OLFM2: variants seen among roughly 807,000 people sequenced by gnomAD.
OLFM2 encodes the protein olfactomedin 2.
A neutral mutation model predicts 43.9 loss-of-function variants in OLFM2; 20 were observed. That is an observed-to-expected ratio of 0.46 (90% CI 0.32 to 0.66). OLFM2 has a LOEUF of 0.66. Ranked by LOEUF, OLFM2 falls within the 30% of genes least tolerant of loss-of-function variation. OLFM2 has a pLI of 0.04. For missense variants in OLFM2, 416 were observed against 643.6 expected (o/e 0.65, Z 3.83); for synonymous variants, 268 against 278.6 (o/e 0.96, Z 0.38).
At chr19:9,925,726 G>A (rs763578375) in intron 1 of OLFM2, among the ~76,000 whole-genome samples, 38 of 151,810 alleles carry the variant, frequency 2.5e-4, no homozygotes, top group Admixed American at 9.8e-4. Context: ...GAGCCACCGC[G>A]CCTGGCCCAG....
At chr19:9,889,915 T>C (rs1156342758) in intron 1 of OLFM2, among the ~76,000 whole-genome samples, 1 of 133,000 alleles carries the variant, frequency 7.5e-6, no homozygotes, top group African/African-American at 2.6e-5. Context: ...GGTTCATAAA[T>C]TCCAATTTTT....
At chr19:9,880,600 A>C (rs1030978747) in intron 1 of OLFM2, among the ~76,000 whole-genome samples, 2 of 152,110 alleles carry the variant, frequency 1.3e-5, no homozygotes, top group African/African-American at 2.4e-5. Flanking sequence ...CCATCTCTAA[A>C]AATAAATAAA....
At chr19:9,875,691 G>T (rs1024849219) in intron 1 of OLFM2, among the ~76,000 whole-genome samples, 6 of 151,150 alleles carry the variant, frequency 4.0e-5, no homozygotes, top group African/African-American at 1.5e-4. Flanking sequence ...TTTTTTGTTT[G>T]TTTTTTCTCA....
intron 1 of OLFM2, among the ~76,000 whole-genome samples, 192 bp from the exon 2 acceptor site, chr19:9,860,986 G>A (rs578086148): frequency 4.6e-5 from 7 of 152,250 alleles, no homozygotes; most frequent in East Asian, 1.9e-4. Context: ...ACTGAGGTGC[G>A]GAGGGCTTAA....
chr19:9,909,254 AG>A (rs2046808788), intron 1 of OLFM2, among the ~76,000 whole-genome samples: 1 of 152,002 alleles, frequency 6.6e-6, no homozygotes, highest in African/African-American at 2.4e-5. Context: ...CCAGCCCCCC[AG>A]GCAGAGGCGA....
At chr19:9,936,202 G>C in intron 1 of OLFM2, 102 bp downstream of exon 1, 3 of 1,299,698 alleles carry the variant, frequency 2.3e-6, no homozygotes, top group South Asian at 1.3e-5. Context: ...CTGCAGCTGG[G>C]GGGGCTTGTG....
chr19:9,920,332 GC>G, intron 1 of OLFM2, among the ~76,000 whole-genome samples: 1 of 152,194 alleles, frequency 6.6e-6, no homozygotes, highest in South Asian at 2.1e-4. Context: ...TCTTTGAGGT[GC>G]CCTGCACTGT....
intron 1 of OLFM2, among the ~76,000 whole-genome samples, chr19:9,936,078 AC>A (rs559182033): frequency 1.0e-3 from 140 of 138,822 alleles, no homozygotes; most frequent in African/African-American, 3.7e-3. Flanking sequence ...CAAAGACGCC[AC>A]CCCCCAAACC....
intron 1 of OLFM2, 135 bp downstream of exon 1, chr19:9,936,169 T>G: frequency 2.6e-6 from 2 of 782,694 alleles, no homozygotes; most frequent in Non-Finnish European, 3.6e-6. Flanking sequence ...CCTCCCCCGC[T>G]GCGACCCCCG....
At chr19:9,935,338 G>A (rs1192463176) in intron 1 of OLFM2, among the ~76,000 whole-genome samples, 3 of 152,148 alleles carry the variant, frequency 2.0e-5, no homozygotes, top group Non-Finnish European at 4.4e-5. Flanking sequence ...CCAAGATGGA[G>A]GAGGAGAGGG....
At chr19:9,894,425 T>G (rs2046665441) in intron 1 of OLFM2, among the ~76,000 whole-genome samples, 1 of 117,846 alleles carries the variant, frequency 8.5e-6, no homozygotes, top group African/African-American at 3.2e-5. Flanking sequence ...ATAAATAAAA[T>G]AAAGCCAGGT....
chr19:9,882,264 C>T (rs1259408064), intron 1 of OLFM2, among the ~76,000 whole-genome samples: 9 of 147,262 alleles, frequency 6.1e-5, no homozygotes, highest in Admixed American at 6.8e-5. Context: ...AAAGGCCAGG[C>T]GCGGTGGCTC....
intron 1 of OLFM2, among the ~76,000 whole-genome samples, chr19:9,888,380 C>T (rs1373753947): frequency 2.6e-5 from 4 of 151,872 alleles, no homozygotes; most frequent in Admixed American, 1.3e-4. Flanking sequence ...AAAAATTAGC[C>T]GGGTGTGGTG....
At chr19:9,931,073 A>C (rs985350288) in intron 1 of OLFM2, among the ~76,000 whole-genome samples, 6 of 152,046 alleles carry the variant, frequency 3.9e-5, no homozygotes, top group African/African-American at 1.4e-4. Flanking sequence ...CCATAATCTT[A>C]AATCCAGCCC....
chr19:9,902,159 G>T lies in OLFM2; in HGVS notation c.63+34145C>A, dbSNP rs141993696. ...CTCTCCTGCCTCAGCCTCCCGAGTA[G>T]CTGGGACTACAGGCACCCGCCACCA... On this transcript the variant is annotated intron_variant, in intron 1 of 5. Transcript: ENST00000264833. 7.5e-3 allele frequency among the ~76,000 whole-genome samples: 1,132 copies of T among 151,434 alleles called. 17 individuals carry two copies. Among genetic ancestry groups the T allele is most frequent in the African/African-American group, 0.026 (1,073 of 41,228 alleles).
rs75792731 is a variant in OLFM2 at position 9,861,387 on chromosome 19, G to A, written c.64-593C>T. ...AGACCCTGTCTCACAAAAAAAAAAG[G>A]ATCTCACCTCAGGTGATCCACCCGT... On this transcript the variant is annotated intron_variant, in intron 1 of 5. Coordinates refer to ENST00000264833, the MANE Select transcript of OLFM2 (RefSeq NM_058164.4). 3.6e-4 allele frequency among the ~76,000 whole-genome samples: 55 copies of A among 151,852 alleles called. 1 individual carries two copies. The highest frequency in any genetic ancestry group is 1.5e-3 in the South Asian group (7 of 4,802).
chr19:9,870,759 G>C (rs750078542), intron 1 of OLFM2, among the ~76,000 whole-genome samples: 3 of 152,054 alleles, frequency 2.0e-5, no homozygotes, highest in African/African-American at 7.2e-5. Flanking sequence ...CCTGCCACGC[G>C]TTACCCTCCT....
chr19:9,903,033 G>A (rs892885519), intron 1 of OLFM2, among the ~76,000 whole-genome samples: 3 of 151,982 alleles, frequency 2.0e-5, no homozygotes, highest in African/African-American at 7.3e-5. Flanking sequence ...TGGGATTACA[G>A]GCATGCACCA....
At chr19:9,906,043 G>A (rs961157773) in intron 1 of OLFM2, among the ~76,000 whole-genome samples, 1 of 152,120 alleles carries the variant, frequency 6.6e-6, no homozygotes, top group Non-Finnish European at 1.5e-5. Context: ...TGCTTGCCAT[G>A]AAGACACGCT....
Sources: allele counts gnomAD v4.1 joint callset (sites outside exome capture counted in the v4.1 genomes callset), GRCh38; gene constraint gnomAD v4.1.1; transcripts MANE v1.5; gene names NCBI Gene and HGNC (gene_info 2026-07-23, HGNC 2026-07-21).